Variants in SEMA3A observed in about 807,000 individuals in gnomAD.
The protein encoded by SEMA3A is semaphorin 3A.
In SEMA3A, 29 loss-of-function variants were observed where a neutral mutation model predicts 97.9. The observed-to-expected ratio is 0.30, with a 90% CI of 0.22 to 0.40. The LOEUF (loss-of-function observed/expected upper bound fraction) is 0.40. Among genes scored for constraint, SEMA3A ranks in the 10% least tolerant of loss-of-function variants. The pLI, the probability that SEMA3A is intolerant of heterozygous loss-of-function variation, is 1.00. For synonymous variants in SEMA3A, 321 were observed against 323.7 expected, an observed-to-expected ratio of 0.99 and a Z score of 0.09; for missense variants, 763 against 951.3, an observed-to-expected ratio of 0.80 and a Z score of 2.60.
intron 1 of SEMA3A, among the ~76,000 whole-genome samples, chr7:84,395,489 G>A (rs1192040990): frequency 1.3e-5 from 2 of 152,056 alleles, no homozygotes; most frequent in African/African-American, 4.8e-5. Flanking sequence ...ACATTTGAAT[G>A]AGGATTGATA....
At chr7:84,230,069 T>C (rs2116354111) in intron 3 of SEMA3A, among the ~76,000 whole-genome samples, 1 of 152,130 alleles carries the variant, frequency 6.6e-6, no homozygotes, top group South Asian at 2.1e-4. Context: ...TTTCATCTTA[T>C]TTTAAATCTC....
At chr7:84,105,407 A>G (rs979737659) in intron 4 of SEMA3A, among the ~76,000 whole-genome samples, 1 of 152,202 alleles carries the variant, frequency 6.6e-6, no homozygotes, top group Non-Finnish European at 1.5e-5. Flanking sequence ...GTGGAAGGGA[A>G]GAACCAGACA....
chr7:84,484,479 T>G (rs570185520), intron 1 of SEMA3A, among the ~76,000 whole-genome samples: 1 of 151,716 alleles, frequency 6.6e-6, no homozygotes, highest in Non-Finnish European at 1.5e-5. Flanking sequence ...CACTGTGGAG[T>G]ATCTAATAGG....
At chr7:84,218,193 T>C (rs1034846637) in intron 3 of SEMA3A, among the ~76,000 whole-genome samples, 2 of 152,092 alleles carry the variant, frequency 1.3e-5, no homozygotes, top group Non-Finnish European at 2.9e-5. Context: ...ATCCTAAAAT[T>C]TGAAATATTT....
chr7:84,367,732 A>C (rs1388600643), intron 2 of SEMA3A, among the ~76,000 whole-genome samples: 1 of 151,114 alleles, frequency 6.6e-6, no homozygotes, highest in Non-Finnish European at 1.5e-5. Context: ...TAATGAGTAG[A>C]CCTATATATA....
chr7:84,421,720 G>T (rs1352039653), intron 1 of SEMA3A, among the ~76,000 whole-genome samples: 1 of 152,008 alleles, frequency 6.6e-6, no homozygotes, highest in Non-Finnish European at 1.5e-5. Context: ...AGAGTTTTTA[G>T]CATGAAGGGG....
intron 1 of SEMA3A, among the ~76,000 whole-genome samples, chr7:84,441,970 C>T (rs1261898881): frequency 6.6e-6 from 1 of 151,994 alleles, no homozygotes; most frequent in Non-Finnish European, 1.5e-5. Context: ...AGTTTGCTAC[C>T]AACAGACGTG....
At chr7:84,084,800 C>T (rs769266528) in intron 4 of SEMA3A, among the ~76,000 whole-genome samples, 1 of 152,086 alleles carries the variant, frequency 6.6e-6, no homozygotes, top group Non-Finnish European at 1.5e-5. Context: ...AAAAAATCAG[C>T]ATTCCTGGAA....
intron 2 of SEMA3A, among the ~76,000 whole-genome samples, chr7:84,324,484 A>G (rs1270630044): frequency 2.0e-5 from 3 of 152,202 alleles, no homozygotes; most frequent in African/African-American, 7.2e-5. Context: ...GAACAAAAAC[A>G]AGATTGTCAT....
chr7:83,977,103 C>A (rs1391907963), intron 15 of SEMA3A, 29 bp downstream of exon 15: 1 of 1,412,534 alleles, frequency 7.1e-7, no homozygotes, highest in African/African-American at 1.4e-5. Flanking sequence ...CTGGTCTTAG[C>A]AGGTTGAAAG....
At chr7:84,358,402 T>C (rs77131843) in intron 2 of SEMA3A, among the ~76,000 whole-genome samples, 43,643 of 151,942 alleles carry the variant, frequency 0.29, 6,749 homozygotes, top group African/African-American at 0.38. Flanking sequence ...GAATCCTTTC[T>C]CCATTGCTTG....
At chr7:84,412,187 A>G (rs1804288682) in intron 1 of SEMA3A, among the ~76,000 whole-genome samples, 1 of 152,142 alleles carries the variant, frequency 6.6e-6, no homozygotes. Flanking sequence ...TGCTAACCAC[A>G]TACAAGGATC....
rs561983069 is a variant in SEMA3A at position 84,008,146 on chromosome 7, C to T, written c.996-649G>A. Among the ~76,000 whole-genome samples the T allele has an allele frequency of 6.6e-5, 10 of 152,124 alleles. No individual in the cohort carries two copies. The South Asian group carries it at 2.1e-3, about 32-fold the overall frequency. ...CATTTCACTAAACAAAAATTTTGTT[C>T]GCTAAACAAAAAATCAGATAGACTG... On this transcript the variant is annotated intron_variant, in intron 9 of 16. Coordinates refer to ENST00000265362, the MANE Select transcript of SEMA3A (RefSeq NM_006080.3).
chr7:84,466,012 T>A (rs1162243242), intron 1 of SEMA3A, among the ~76,000 whole-genome samples: 1 of 152,146 alleles, frequency 6.6e-6, no homozygotes, highest in Non-Finnish European at 1.5e-5. Context: ...ACACCTCAGG[T>A]ATTCATCACT....
chr7:84,359,728 T>C (rs942719677), intron 2 of SEMA3A, among the ~76,000 whole-genome samples: 2 of 152,202 alleles, frequency 1.3e-5, no homozygotes, highest in Non-Finnish European at 2.9e-5. Context: ...AGCTCCTCCT[T>C]GTACCTCTGG....
intron 1 of SEMA3A, among the ~76,000 whole-genome samples, chr7:84,468,625 A>G (rs1362849070): frequency 2.0e-5 from 3 of 152,184 alleles, no homozygotes; most frequent in African/African-American, 7.2e-5. Context: ...GAGCTAATGT[A>G]TAAATTCTGA....
At chr7:84,363,019 A>G (rs768354628) in intron 2 of SEMA3A, among the ~76,000 whole-genome samples, 68 of 151,948 alleles carry the variant, frequency 4.5e-4, no homozygotes, top group Non-Finnish European at 8.5e-4. Flanking sequence ...TTACTGTACA[A>G]CTAGCTAGAG....
rs1234098847 is a variant in SEMA3A, at chr7:84,011,193, A to G, written c.915T>C (p.Phe305=). 6.2e-7 allele frequency: 1 copy of G among 1,613,260 alleles called. No individual in the cohort carries two copies. The highest frequency in any genetic ancestry group is 1.3e-5 in the African/African-American group (1 of 75,050). Residue 305 remains phenylalanine (F), a synonymous_variant, in exon 8 of 17, where the codon TTT becomes TTC. Coordinates refer to ENST00000265362, the MANE Select transcript of SEMA3A (RefSeq NM_006080.3). ...VPGPNGIDTH[F]DELQDVFLMN... ...ACACTAGCTTCTTACGCAGTTCATC[A>G]AAATGAGTGTCAATGCCATTTGGAC...
chr7:84,091,564 C>T (rs566144742), intron 4 of SEMA3A, among the ~76,000 whole-genome samples: 12 of 152,170 alleles, frequency 7.9e-5, no homozygotes, highest in African/African-American at 2.4e-4. Context: ...GCTATTCAGC[C>T]GAGTGCTTTA....
Sources: allele counts gnomAD v4.1 joint callset (sites outside exome capture counted in the v4.1 genomes callset), GRCh38; gene constraint gnomAD v4.1.1; transcripts MANE v1.5; gene names NCBI Gene and HGNC (gene_info 2026-07-23, HGNC 2026-07-21).